BRD10: variants seen among roughly 807,000 people sequenced by gnomAD.
BRD10 encodes the protein uncharacterized bromodomain-containing protein 10.
At chr9:5,899,289 G>A in the BRD10 span, 1 of 152,208 alleles carries the variant, frequency 6.6e-6, no homozygotes, top group East Asian at 1.9e-4. Flanking sequence ...GTGGGGTGGG[G>A]ATTGAAGCTT....
chr9:5,951,116 C>T, the BRD10 span, among the ~76,000 whole-genome samples: 23 of 151,260 alleles, frequency 1.5e-4, no homozygotes, highest in Admixed American at 4.6e-4. Flanking sequence ...TCCAATCCAC[C>T]ATTTGAATGC....
chr9:5,941,663 T>A, the BRD10 span, among the ~76,000 whole-genome samples: 7 of 152,260 alleles, frequency 4.6e-5, no homozygotes, highest in South Asian at 1.2e-3. Flanking sequence ...GAGTAAACAA[T>A]CTAAATTTTA....
At chr9:5,970,888 T>C in the BRD10 span, among the ~76,000 whole-genome samples, 1 of 151,082 alleles carries the variant, frequency 6.6e-6, no homozygotes, top group Admixed American at 6.6e-5. Flanking sequence ...CCCTTCTCTT[T>C]TAAAAACACA....
chr9:6,004,035 T>A, the BRD10 span, among the ~76,000 whole-genome samples: 1 of 152,196 alleles, frequency 6.6e-6, no homozygotes, highest in African/African-American at 2.4e-5. Context: ...CTCACTGTAG[T>A]TCAGCATTCG....
the BRD10 span, chr9:5,967,912 C>A: frequency 2.8e-3 from 1,872 of 679,178 alleles, 4 homozygotes; most frequent in Non-Finnish European, 3.2e-3. Flanking sequence ...TACACGCATG[C>A]ATACATGTGC....
At chr9:5,952,559 C>T in the BRD10 span, among the ~76,000 whole-genome samples, 29,114 of 152,152 alleles carry the variant, frequency 0.19, 3,002 homozygotes, top group Middle Eastern at 0.29. Flanking sequence ...ACTGGTCATG[C>T]AATCTGCTAA....
the BRD10 span, among the ~76,000 whole-genome samples, chr9:5,939,946 T>C: frequency 6.6e-6 from 1 of 152,232 alleles, no homozygotes; most frequent in African/African-American, 2.4e-5. Flanking sequence ...TACAGAACTC[T>C]GTGACCAAAA....
the BRD10 span, among the ~76,000 whole-genome samples, chr9:5,982,328 G>A: frequency 6.6e-6 from 1 of 152,116 alleles, no homozygotes; most frequent in Non-Finnish European, 1.5e-5. Context: ...TGAAACAAAT[G>A]AGATGATCCC....
chr9:5,967,985 T>C, the BRD10 span: 1 of 1,297,246 alleles, frequency 7.7e-7, no homozygotes, highest in Non-Finnish European at 1.1e-6. Flanking sequence ...GAATTATACT[T>C]AAATATAACT....
At chr9:5,980,026 AAAG>A in the BRD10 span, among the ~76,000 whole-genome samples, 1 of 151,618 alleles carries the variant, frequency 6.6e-6, no homozygotes. Context: ...AAAAAAAAAA[AAAG>A]AAAAAAAAAA....
the BRD10 span, among the ~76,000 whole-genome samples, chr9:5,987,145 C>T: frequency 1.3e-5 from 2 of 152,114 alleles, no homozygotes; most frequent in Admixed American, 6.5e-5. Context: ...CTGGCAAATA[C>T]TCACGCTCAA....
the BRD10 span, among the ~76,000 whole-genome samples, chr9:5,992,248 C>T: frequency 6.6e-6 from 1 of 152,090 alleles, no homozygotes; most frequent in Non-Finnish European, 1.5e-5. Context: ...TGTCATCATG[C>T]CCTCAAACTG....
chr9:5,949,521 G>A, the BRD10 span, among the ~76,000 whole-genome samples: 2 of 152,178 alleles, frequency 1.3e-5, no homozygotes, highest in Non-Finnish European at 2.9e-5. Context: ...GGATCAGTGA[G>A]TTTTTTCTTA....
chr9:5,939,297 A>ATTAT, the BRD10 span, among the ~76,000 whole-genome samples: 2 of 152,178 alleles, frequency 1.3e-5, no homozygotes, highest in Non-Finnish European at 2.9e-5. Context: ...GTTTTATAAC[A>ATTAT]TTATTTTATA....
At chr9:6,005,817 A>C in the BRD10 span, among the ~76,000 whole-genome samples, 1 of 152,246 alleles carries the variant, frequency 6.6e-6, no homozygotes, top group Non-Finnish European at 1.5e-5. Context: ...AAATTACTAA[A>C]GTATTAAAAG....
the BRD10 span, among the ~76,000 whole-genome samples, chr9:5,940,830 A>C: frequency 6.6e-6 from 1 of 152,204 alleles, no homozygotes. Context: ...AAAATCTTAG[A>C]TCTTACTCAA....
At chr9:5,908,979 G>A in the BRD10 span, 1 of 402,400 alleles carries the variant, frequency 2.5e-6, no homozygotes, top group African/African-American at 2.1e-5. Context: ...TAAATCCATG[G>A]TGTTATTTTC....
chr9:5,937,725 T>C, the BRD10 span, among the ~76,000 whole-genome samples: 1 of 152,176 alleles, frequency 6.6e-6, no homozygotes, highest in East Asian at 1.9e-4. Flanking sequence ...CAAACATTGT[T>C]TTCATGCAAC....
the BRD10 span, among the ~76,000 whole-genome samples, chr9:5,955,445 A>C: frequency 6.6e-6 from 1 of 152,188 alleles, no homozygotes; most frequent in African/African-American, 2.4e-5. Context: ...CATAATCCTA[A>C]TGCTCCTTTC....
Sources: allele counts gnomAD v4.1 joint callset (sites outside exome capture counted in the v4.1 genomes callset), GRCh38; gene constraint gnomAD v4.1.1; transcripts MANE v1.5; gene names NCBI Gene and HGNC (gene_info 2026-07-23, HGNC 2026-07-21).